Variants in SCML4 observed in about 807,000 individuals in gnomAD.
SCML4 encodes sex comb on midleg-like protein 4.
In SCML4, 34 loss-of-function variants were observed where a neutral mutation model predicts 41.1. The ratio of observed to expected loss-of-function variants is 0.83; its 90% CI spans 0.63 to 1.10. SCML4 has a LOEUF of 1.10. Ranked by LOEUF, SCML4 falls within the 50% of genes least tolerant of loss-of-function variation. The pLI, the probability that SCML4 is intolerant of heterozygous loss-of-function variation, is 0.00. For synonymous variants in SCML4, 214 were observed against 220.9 expected, an observed-to-expected ratio of 0.97 and a Z score of 0.28; for missense variants, 522 against 534.1, an observed-to-expected ratio of 0.98 and a Z score of 0.22.
intron 5 of SCML4, among the ~76,000 whole-genome samples, chr6:107,739,822 A>T (rs1777422776): frequency 6.6e-6 from 1 of 152,164 alleles, no homozygotes; most frequent in African/African-American, 2.4e-5. Context: ...CTAAAGGCAA[A>T]CTCCCTAATG....
intron 6 of SCML4, among the ~76,000 whole-genome samples, chr6:107,714,062 T>C (rs1739863): frequency 0.76 from 115,734 of 152,036 alleles, 44,276 homozygotes; most frequent in Admixed American, 0.81. Flanking sequence ...TAGGCAAGCA[T>C]CACTCACTCT....
intron 1 of SCML4, among the ~76,000 whole-genome samples, chr6:107,784,375 TGAGA>T (rs1456157124): frequency 2.6e-5 from 4 of 152,074 alleles, no homozygotes; most frequent in Non-Finnish European, 4.4e-5. Flanking sequence ...ATAAAAGAAA[TGAGA>T]GAGAATGACT....
At chr6:107,709,965 C>G (rs994894383) in intron 6 of SCML4, among the ~76,000 whole-genome samples, 2 of 152,192 alleles carry the variant, frequency 1.3e-5, no homozygotes, top group Admixed American at 1.3e-4. Context: ...CCATCTTGGC[C>G]TCCCAAAGTG....
chr6:107,751,572 ATCTTTCTTTCTTTCTTTCTT>A (rs36148554), intron 2 of SCML4, among the ~76,000 whole-genome samples: 2,143 of 87,756 alleles, frequency 0.024, 35 homozygotes, highest in African/African-American at 0.047. Flanking sequence ...CATTTTAACA[ATCTTTCTTTCTTTCTTTCTT>A]TCTTTCTTTC....
the SCML4 span, among the ~76,000 whole-genome samples, chr6:107,831,411 CAAAAAAAAA>C: frequency 9.3e-6 from 1 of 107,504 alleles, no homozygotes; most frequent in Non-Finnish European, 1.8e-5. Flanking sequence ...TTTTCATTCT[CAAAAAAAAA>C]AAAAAAAAAA....
intron 5 of SCML4, among the ~76,000 whole-genome samples, chr6:107,738,556 G>T (rs994145573): frequency 7.9e-5 from 12 of 152,062 alleles, no homozygotes; most frequent in African/African-American, 2.9e-4. Context: ...AGGAGGTGGA[G>T]GTCGCAGTGA....
chr6:107,794,032 C>T (rs9486707), intron 1 of SCML4, among the ~76,000 whole-genome samples: 8,566 of 152,220 alleles, frequency 0.056, 711 homozygotes, highest in African/African-American at 0.18. Context: ...TCATCCCAAC[C>T]ATCAATCTCT....
intron 2 of SCML4, among the ~76,000 whole-genome samples, chr6:107,762,255 CAATGAATGG>C: frequency 6.6e-6 from 1 of 151,558 alleles, no homozygotes; most frequent in Admixed American, 6.6e-5. Flanking sequence ...GCTTGACTTC[CAATGAATGG>C]GAAAGAAAAA....
Position 107,707,846 on chromosome 6 carries a change from C to G in SCML4, c.1119+20G>C. ...CTGCTCCCTCAATCCCCCCCAAGGTCAAACCCACCACTCGCATACGTGCTT... is the reference window on the plus strand; with the variant it reads ...CTGCTCCCTCAATCCCCCCCAAGGTGAAACCCACCACTCGCATACGTGCTT... On this transcript the variant is annotated intron_variant, in intron 7 of 7. Transcript: ENST00000369020. 1 of 1,551,684 alleles carries G rather than the reference C, an allele frequency of 6.4e-7. No individual in the cohort carries two copies. Among genetic ancestry groups the G allele is most frequent in the South Asian group, 1.2e-5 (1 of 84,046 alleles).
At chr6:107,827,478 A>T (rs1001895398), upstream of SCML4, among the ~76,000 whole-genome samples, 4 of 151,966 alleles carry the variant, frequency 2.6e-5, no homozygotes, top group African/African-American at 9.7e-5. Context: ...TCAATATTTT[A>T]AAAAATCCTA....
intron 1 of SCML4, among the ~76,000 whole-genome samples, chr6:107,786,007 T>C (rs1256238163): frequency 2.0e-5 from 3 of 152,144 alleles, no homozygotes; most frequent in Non-Finnish European, 4.4e-5. Flanking sequence ...AGAGGACATC[T>C]AGGACAGCTA....
chr6:107,754,610 A>G (rs1778954905), intron 2 of SCML4, among the ~76,000 whole-genome samples: 1 of 152,250 alleles, frequency 6.6e-6, no homozygotes, highest in Non-Finnish European at 1.5e-5. Context: ...GCCAACACAG[A>G]GATAATAATG....
At chr6:107,725,883 C>G (rs1775909039) in intron 5 of SCML4, among the ~76,000 whole-genome samples, 1 of 151,822 alleles carries the variant, frequency 6.6e-6, no homozygotes, top group Non-Finnish European at 1.5e-5. Context: ...TCGAGACCAG[C>G]TTGGCCAACA....
intron 1 of SCML4, among the ~76,000 whole-genome samples, chr6:107,803,368 G>T (rs1434635809): frequency 6.7e-6 from 1 of 150,278 alleles, no homozygotes; most frequent in Non-Finnish European, 1.5e-5. Context: ...CACCCCGTCT[G>T]GGAGGGAGGT....
chr6:107,768,625 T>A (rs1780267162), intron 2 of SCML4, among the ~76,000 whole-genome samples: 1 of 152,308 alleles, frequency 6.6e-6, no homozygotes, highest in Admixed American at 6.5e-5. Flanking sequence ...CATGCCTAAG[T>A]CCTGCAGTTT....
chr6:107,703,049 G>A lies in SCML4; in HGVS notation c.*2151C>T, dbSNP rs1773306622. On this transcript the variant is annotated 3_prime_UTR_variant, in exon 8 of 8. Coordinates refer to ENST00000369020, the MANE Select transcript of SCML4 (RefSeq NM_198081.5). Reference sequence around the variant, plus strand: ...CTATACTACCACCAGTGCCATGACGGTTTACAAATGCCATGGCAACATCAG... The same window carrying A: ...CTATACTACCACCAGTGCCATGACGATTTACAAATGCCATGGCAACATCAG... Among the ~76,000 whole-genome samples, 1 of 152,168 alleles carries A rather than the reference G, an allele frequency of 6.6e-6. No homozygotes were observed. The highest frequency in any genetic ancestry group is 6.5e-5 in the Admixed American group (1 of 15,280).
At chr6:107,823,220 G>A (rs982498732) in intron 1 of SCML4, among the ~76,000 whole-genome samples, 13 of 152,148 alleles carry the variant, frequency 8.5e-5, no homozygotes, top group Non-Finnish European at 1.8e-4. Flanking sequence ...CATGAGTACC[G>A]TCATGGAATC....
chr6:107,797,319 T>C (rs138726457), intron 1 of SCML4, among the ~76,000 whole-genome samples: 159 of 152,240 alleles, frequency 1.0e-3, no homozygotes, highest in African/African-American at 3.5e-3. Flanking sequence ...TAGAAATATA[T>C]GTGCAGGTTT....
chr6:107,785,820 G>C (rs1781846109), intron 1 of SCML4, among the ~76,000 whole-genome samples: 2 of 152,202 alleles, frequency 1.3e-5, no homozygotes, highest in East Asian at 3.9e-4. Flanking sequence ...AGGATGCTCA[G>C]AAAAAAAGAG....
Sources: allele counts gnomAD v4.1 joint callset (sites outside exome capture counted in the v4.1 genomes callset), GRCh38; gene constraint gnomAD v4.1.1; transcripts MANE v1.5; gene names NCBI Gene and HGNC (gene_info 2026-07-23, HGNC 2026-07-21).